Variants in SRPK2 observed in about 807,000 individuals in gnomAD.
SRPK2 encodes SFRS protein kinase 2.
A neutral mutation model predicts 90.8 loss-of-function variants in SRPK2; 21 were observed. That is an observed-to-expected ratio of 0.23 (90% CI 0.16 to 0.33). The LOEUF (loss-of-function observed/expected upper bound fraction) is 0.33. SRPK2 is among the 10% of genes least tolerant of loss of function. The pLI is 1.00. For missense variants in SRPK2, 620 were observed against 869.0 expected, an observed-to-expected ratio of 0.71 and a Z score of 3.60; for synonymous variants, 288 against 311.1, an observed-to-expected ratio of 0.93 and a Z score of 0.78.
At chr7:105,261,690 C>A (rs1206953722) in intron 2 of SRPK2, among the ~76,000 whole-genome samples, 2 of 152,102 alleles carry the variant, frequency 1.3e-5, no homozygotes, top group African/African-American at 4.8e-5. Flanking sequence ...TTGTAAAATG[C>A]AAATGAACAT....
chr7:105,297,890 C>T (rs975064594), intron 2 of SRPK2, among the ~76,000 whole-genome samples: 1 of 151,972 alleles, frequency 6.6e-6, no homozygotes, highest in African/African-American at 2.4e-5. Flanking sequence ...TACAGGCATG[C>T]GCCACTATGC....
intron 5 of SRPK2, 118 bp downstream of exon 5, chr7:105,167,890 C>A (rs915182157): frequency 2.5e-6 from 2 of 802,794 alleles, no homozygotes; most frequent in Non-Finnish European, 3.9e-6. Context: ...AGATTATAGG[C>A]ATGAGCCACC....
At chr7:105,345,640 G>A (rs987349671) in intron 2 of SRPK2, among the ~76,000 whole-genome samples, 31 of 152,210 alleles carry the variant, frequency 2.0e-4, no homozygotes, top group African/African-American at 6.3e-4. Flanking sequence ...TCTCAAACTC[G>A]TTCATCTATA....
chr7:105,393,606 T>C (rs184770272), upstream of SRPK2, among the ~76,000 whole-genome samples: 1 of 151,816 alleles, frequency 6.6e-6, no homozygotes, highest in East Asian at 1.9e-4. Context: ...GGACAGGGTC[T>C]CACTCTATGG....
At chr7:105,213,692 G>A (rs183396531) in intron 2 of SRPK2, among the ~76,000 whole-genome samples, 142 of 152,228 alleles carry the variant, frequency 9.3e-4, no homozygotes, top group Non-Finnish European at 1.7e-3. Flanking sequence ...AGACCCATAC[G>A]CTCTTCTATC....
chr7:105,395,908 A>G (rs1172974025), intron 1 of SRPK2, among the ~76,000 whole-genome samples: 2 of 152,040 alleles, frequency 1.3e-5, no homozygotes, highest in African/African-American at 4.8e-5. Flanking sequence ...GTTTTTTAAA[A>G]TTATTTTTAT....
chr7:105,307,849 A>T (rs1030078206), intron 2 of SRPK2, among the ~76,000 whole-genome samples: 6 of 152,228 alleles, frequency 3.9e-5, no homozygotes, highest in Non-Finnish European at 7.3e-5. Flanking sequence ...AGTGGGATAT[A>T]CAATGGTGAT....
intron 2 of SRPK2, among the ~76,000 whole-genome samples, chr7:105,204,324 C>A (rs543429550): frequency 1.3e-5 from 2 of 152,170 alleles, no homozygotes; most frequent in Non-Finnish European, 2.9e-5. Flanking sequence ...CTAAAATATA[C>A]AAGATTGCCA....
intron 3 of SRPK2, among the ~76,000 whole-genome samples, chr7:105,178,040 A>AAG (rs1386988747): frequency 2.0e-5 from 3 of 152,022 alleles, no homozygotes; most frequent in African/African-American, 7.2e-5. Flanking sequence ...AAAAAAAAAA[A>AAG]AAAAAAAAAT....
At chr7:105,223,130 T>A (rs1183097375) in intron 2 of SRPK2, among the ~76,000 whole-genome samples, 2 of 152,202 alleles carry the variant, frequency 1.3e-5, no homozygotes, top group Non-Finnish European at 2.9e-5. Flanking sequence ...GAACGGCATG[T>A]TGGGACCACA....
chr7:105,355,684 T>G (rs1397687308), intron 2 of SRPK2, among the ~76,000 whole-genome samples: 2 of 152,084 alleles, frequency 1.3e-5, no homozygotes, highest in Non-Finnish European at 2.9e-5. Flanking sequence ...AAATCAACCC[T>G]GCTTAAACAA....
rs1396025467 is a variant in SRPK2, at chr7:105,382,534, A to C, written c.71+6114T>G. Among the ~76,000 whole-genome samples the C allele has an allele frequency of 1.0e-4, 15 of 143,562 alleles. 1 individual carries two copies. The highest frequency in any genetic ancestry group is 1.5e-5 in the Non-Finnish European group (1 of 66,280). 94.2% of individuals were successfully genotyped at this position (143,562 alleles called of 152,430 possible). A position where few individuals can be genotyped will look rare whatever the true frequency, so the allele number is the denominator to read the frequency against. On this transcript the variant is annotated intron_variant, in intron 2 of 15. Coordinates refer to ENST00000393651, the MANE Select transcript of SRPK2 (RefSeq NM_182692.3). ...GCCACTGCACTCCAGCCTGGGCAAC[A>C]AGAGCAAAACTCCATCTCAAAAAAA...
chr7:105,183,101 T>TTTTCTA (rs1793097696), intron 3 of SRPK2, among the ~76,000 whole-genome samples: 2 of 152,224 alleles, frequency 1.3e-5, no homozygotes, highest in African/African-American at 4.8e-5. Context: ...TTTACAAAGC[T>TTTTCTA]GGAATCAAAT....
intron 2 of SRPK2, among the ~76,000 whole-genome samples, chr7:105,257,528 A>G (rs949098977): frequency 5.9e-5 from 9 of 152,240 alleles, no homozygotes; most frequent in African/African-American, 2.2e-4. Flanking sequence ...AGGTTCTTTC[A>G]ATCTGTCTGG....
At chr7:105,124,850 G>C (rs898149732) in intron 15 of SRPK2, among the ~76,000 whole-genome samples, 1 of 151,630 alleles carries the variant, frequency 6.6e-6, no homozygotes, top group African/African-American at 2.4e-5. Context: ...AAGTACAGCA[G>C]GCTGGGCGCA....
chr7:105,377,568 T>C (rs989539097), intron 2 of SRPK2, among the ~76,000 whole-genome samples: 1 of 151,166 alleles, frequency 6.6e-6, no homozygotes. Context: ...GCCGTGGTAG[T>C]GGCACTGTAA....
At chr7:105,356,133 G>T (rs761513111) in intron 2 of SRPK2, among the ~76,000 whole-genome samples, 3 of 152,126 alleles carry the variant, frequency 2.0e-5, no homozygotes, top group Non-Finnish European at 2.9e-5. Context: ...TTCATTTTCA[G>T]GATCTGCATG....
At chr7:105,397,615 A>T (rs946999685) in intron 1 of SRPK2, among the ~76,000 whole-genome samples, 7 of 151,648 alleles carry the variant, frequency 4.6e-5, no homozygotes, top group African/African-American at 1.7e-4. Flanking sequence ...GGCATGAGCC[A>T]CCACACCTGG....
intron 2 of SRPK2, among the ~76,000 whole-genome samples, chr7:105,348,228 C>T (rs537903162): frequency 6.6e-6 from 1 of 151,328 alleles, no homozygotes; most frequent in African/African-American, 2.4e-5. Flanking sequence ...TGGGCCACCA[C>T]GCCCGGCCAA....
Sources: allele counts gnomAD v4.1 joint callset (sites outside exome capture counted in the v4.1 genomes callset), GRCh38; gene constraint gnomAD v4.1.1; transcripts MANE v1.5; gene names NCBI Gene and HGNC (gene_info 2026-07-23, HGNC 2026-07-21).